The following NELL1 variants were observed in gnomAD, a reference collection of about 807,000 sequenced individuals.
NELL1 encodes protein kinase C-binding protein NELL1.
In NELL1, 76 loss-of-function variants were observed where a neutral mutation model predicts 107.4. The observed-to-expected ratio is 0.71, with a 90% CI of 0.59 to 0.86. NELL1 has a LOEUF of 0.86. NELL1 is among the 40% of genes least tolerant of loss of function. The pLI is 0.00. For missense variants in NELL1, 1,024 were observed against 1,005.5 expected (o/e 1.02, Z -0.25); for synonymous variants, 353 against 341.2 (o/e 1.03, Z -0.38).
intron 15 of NELL1, among the ~76,000 whole-genome samples, chr11:21,415,561 T>A (rs1852496932): frequency 6.6e-6 from 1 of 152,070 alleles, no homozygotes; most frequent in South Asian, 2.1e-4. Flanking sequence ...TGCTTATCAT[T>A]CATTTCCTTT....
intron 2 of NELL1, among the ~76,000 whole-genome samples, chr11:20,690,472 A>G (rs1485756371): frequency 3.3e-5 from 5 of 151,720 alleles, no homozygotes; most frequent in African/African-American, 9.7e-5. Context: ...AGGTGTAAGG[A>G]AGGGATCCAG....
chr11:20,701,505 T>G lies in NELL1; in HGVS notation c.184+23445T>G, dbSNP rs573272796. Among the ~76,000 whole-genome samples the G allele has an allele frequency of 6.6e-3, 1,006 of 152,208 alleles. 8 individuals are homozygous for G. Among genetic ancestry groups the G allele is most frequent in the African/African-American group, 0.023 (962 of 41,538 alleles). The stretch of plus-strand genomic sequence containing the variant: ...TTTCTTTTGCTGTGCAGAAGCTCTT[T>G]AGTTTAATTAGATCCCATTTGTCAA... On this transcript the variant is annotated intron_variant, in intron 2 of 19. Coordinates refer to ENST00000357134, the MANE Select transcript of NELL1 (RefSeq NM_006157.5).
intron 12 of NELL1, among the ~76,000 whole-genome samples, chr11:21,075,765 C>T (rs1046008462): frequency 2.6e-5 from 4 of 152,202 alleles, no homozygotes; most frequent in African/African-American, 7.2e-5. Flanking sequence ...CTCAGCTCTA[C>T]AGTGTTTTCA....
intron 14 of NELL1, among the ~76,000 whole-genome samples, chr11:21,277,610 T>G (rs1223688642): frequency 1.3e-5 from 2 of 152,194 alleles, no homozygotes; most frequent in African/African-American, 4.8e-5. Context: ...GTATGTTTAT[T>G]GCGGCACTAT....
chr11:21,493,429 T>C (rs1012000043), intron 15 of NELL1, among the ~76,000 whole-genome samples: 1 of 152,080 alleles, frequency 6.6e-6, no homozygotes, highest in Non-Finnish European at 1.5e-5. Context: ...ATCATGTAAT[T>C]TGAAACAACA....
chr11:21,413,385 C>T (rs1164362098), intron 15 of NELL1, among the ~76,000 whole-genome samples: 2 of 151,900 alleles, frequency 1.3e-5, no homozygotes, highest in Non-Finnish European at 2.9e-5. Context: ...TGGGCTTCAG[C>T]ATCTACCCCA....
intron 5 of NELL1, among the ~76,000 whole-genome samples, chr11:20,907,660 G>C (rs1220563971): frequency 6.6e-6 from 1 of 152,022 alleles, no homozygotes; most frequent in African/African-American, 2.4e-5. Context: ...AAATCATGTA[G>C]CTTGATGAAA....
intron 10 of NELL1, among the ~76,000 whole-genome samples, chr11:20,938,908 G>GTCTCTCTCTCTCTCTCTCTCTCTCTC (rs71443766): frequency 2.8e-5 from 4 of 144,540 alleles, no homozygotes; most frequent in African/African-American, 1.1e-4. Context: ...TTCTCTCTCT[G>GTCTCTCTCTCTCTCTCTCTCTCTCTC]TCTCTCTCTC....
intron 12 of NELL1, among the ~76,000 whole-genome samples, chr11:21,086,649 C>T (rs1854398447): frequency 6.6e-6 from 1 of 152,070 alleles, no homozygotes; most frequent in East Asian, 1.9e-4. Context: ...GCTTTCATTT[C>T]CTTTCATAAT....
At chr11:21,235,358 T>G (rs1858178897) in intron 14 of NELL1, among the ~76,000 whole-genome samples, 1 of 152,144 alleles carries the variant, frequency 6.6e-6, no homozygotes, top group Non-Finnish European at 1.5e-5. Context: ...GATTTGAGAC[T>G]GTACCCCACA....
intron 13 of NELL1, 115 bp from the exon 14 acceptor site, chr11:21,229,217 C>A: frequency 1.7e-6 from 2 of 1,181,664 alleles, no homozygotes; most frequent in Non-Finnish European, 2.4e-6. Flanking sequence ...TAGTAAGGTA[C>A]TGACAAGTGG....
intron 13 of NELL1, among the ~76,000 whole-genome samples, chr11:21,158,528 A>T (rs2133796328): frequency 6.6e-6 from 1 of 152,330 alleles, no homozygotes; most frequent in African/African-American, 2.4e-5. Context: ...TAATCATTTG[A>T]ATGTTAGATG....
chr11:21,247,533 C>T (rs577189961), intron 14 of NELL1, among the ~76,000 whole-genome samples: 15 of 152,188 alleles, frequency 9.9e-5, no homozygotes, highest in African/African-American at 2.6e-4. Flanking sequence ...CAACTTTTGT[C>T]CCGTTAGAGG....
At chr11:21,404,012 C>CCT (rs1554905746) in intron 15 of NELL1, among the ~76,000 whole-genome samples, 1 of 112,088 alleles carries the variant, frequency 8.9e-6, no homozygotes, top group South Asian at 4.1e-4. Flanking sequence ...TGAACCCCCC[C>CCT]CCCCGCAATC....
intron 2 of NELL1, among the ~76,000 whole-genome samples, chr11:20,733,340 G>T (rs565934553): frequency 3.3e-5 from 5 of 152,280 alleles, no homozygotes; most frequent in Admixed American, 3.3e-4. Flanking sequence ...GGTCAAGATG[G>T]TTCATCAGTA....
chr11:21,274,607 C>T (rs1205525005), intron 14 of NELL1, among the ~76,000 whole-genome samples: 1 of 152,206 alleles, frequency 6.6e-6, no homozygotes, highest in Admixed American at 6.5e-5. Context: ...TTCGTCTCAA[C>T]ACCACATTGC....
chr11:21,169,819 T>C, intron 13 of NELL1: 1 of 1,405,262 alleles, frequency 7.1e-7, no homozygotes, highest in Non-Finnish European at 9.9e-7. Context: ...ATCAGCCTGC[T>C]GAGCCCGATG....
chr11:21,531,399 C>T (rs1344377986), intron 15 of NELL1, among the ~76,000 whole-genome samples: 1 of 152,108 alleles, frequency 6.6e-6, no homozygotes, highest in Non-Finnish European at 1.5e-5. Context: ...AAAACTAGTT[C>T]TAGCTAGTTT....
chr11:20,836,055 A>G (rs1196305059), intron 3 of NELL1, among the ~76,000 whole-genome samples: 1 of 152,170 alleles, frequency 6.6e-6, no homozygotes, highest in Admixed American at 6.6e-5. Flanking sequence ...TATCCAACAT[A>G]TATAAGAACA....
Sources: allele counts gnomAD v4.1 joint callset (sites outside exome capture counted in the v4.1 genomes callset), GRCh38; gene constraint gnomAD v4.1.1; transcripts MANE v1.5; gene names NCBI Gene and HGNC (gene_info 2026-07-23, HGNC 2026-07-21).